The following NDST4 variants were observed in gnomAD, a reference collection of about 807,000 sequenced individuals.
NDST4 encodes N-heparan sulfate sulfotransferase 4.
NDST4 carries 63 observed loss-of-function variants against 100.8 expected under a neutral mutation model. The ratio of observed to expected loss-of-function variants is 0.62; its 90% CI spans 0.51 to 0.77. The LOEUF (loss-of-function observed/expected upper bound fraction) is 0.77. NDST4 is among the 30% of genes least tolerant of loss of function. The pLI is 0.00. For missense variants in NDST4, 943 were observed against 1,018.4 expected (o/e 0.93, Z 1.01); for synonymous variants, 377 against 361.8 (o/e 1.04, Z -0.48).
At chr4:115,012,640 A>C (rs1205305743) in intron 2 of NDST4, among the ~76,000 whole-genome samples, 2 of 152,060 alleles carry the variant, frequency 1.3e-5, no homozygotes, top group Non-Finnish European at 2.9e-5. Context: ...GAGGTTCCCC[A>C]AAAAATGAAA....
chr4:114,870,901 C>T lies in NDST4; in HGVS notation c.1586G>A (p.Gly529Glu). The T allele has an allele frequency of 6.2e-7, 1 of 1,611,248 alleles. No homozygotes were observed. The highest frequency in any genetic ancestry group is 1.1e-5 in the South Asian group (1 of 90,674). Residue 529 changes from glycine to glutamate, a missense_variant, in exon 7 of 14, where the codon GGG becomes GAG. Gly to Glu is a moderately conservative substitution (Grantham distance 98). Transcript: ENST00000264363. ...GACCAAGTTCACAAAGGTATATAAC[C>T]CTAGGCGGTCATTTCCATAGTTTGA... ...HLSNYGNDRLGLYTFVNLVNF... is the reference protein window; with the variant it reads ...HLSNYGNDRLELYTFVNLVNF...
intron 11 of NDST4, among the ~76,000 whole-genome samples, chr4:114,835,124 T>C (rs1287753765): frequency 6.6e-6 from 1 of 152,156 alleles, no homozygotes; most frequent in East Asian, 1.9e-4. Context: ...AGTTCTGCTC[T>C]AATTTTCTAA....
chr4:114,834,094 A>G (rs1723258622), intron 11 of NDST4, among the ~76,000 whole-genome samples: 1 of 152,234 alleles, frequency 6.6e-6, no homozygotes. Flanking sequence ...GCTCAGAAAT[A>G]GTGGTCATCC....
intron 2 of NDST4, among the ~76,000 whole-genome samples, chr4:115,054,921 C>A (rs1728660534): frequency 6.6e-6 from 1 of 152,068 alleles, no homozygotes; most frequent in African/African-American, 2.4e-5. Context: ...GGGCCATGGA[C>A]CAGTACCAGT....
Position 114,941,353 on chromosome 4 carries a change from A to G in NDST4, c.1222-3850T>C, listed in dbSNP as rs545645656. On this transcript the variant is annotated intron_variant, in intron 4 of 13. Transcript: ENST00000264363. The stretch of plus-strand genomic sequence containing the variant: ...TGTGACCCCTCCCCTCCCCTCCCCA[A>G]AGTATGAAGACACTTGACTTACAAA... Among the ~76,000 whole-genome samples the G allele has an allele frequency of 2.0e-5, 3 of 152,066 alleles. No individual in the cohort carries two copies. In the South Asian group the frequency reaches 6.2e-4, roughly 32 times the overall value.
intron 2 of NDST4, among the ~76,000 whole-genome samples, chr4:114,997,440 G>A (rs1271362392): frequency 6.6e-6 from 1 of 151,982 alleles, no homozygotes. Context: ...CATAAACCCA[G>A]CTCTAAGGAG....
At chr4:114,959,009 G>A (rs1324058529) in intron 4 of NDST4, among the ~76,000 whole-genome samples, 1 of 151,964 alleles carries the variant, frequency 6.6e-6, no homozygotes, top group Non-Finnish European at 1.5e-5. Context: ...CAAGTTCAAT[G>A]TTCCACAGAT....
chr4:115,003,760 C>T (rs1211881430), intron 2 of NDST4, among the ~76,000 whole-genome samples: 3 of 151,428 alleles, frequency 2.0e-5, no homozygotes, highest in Non-Finnish European at 4.4e-5. Context: ...CCCAGCTACT[C>T]GGGAGGCTGA....
chr4:114,898,477 C>A (rs75313373), intron 6 of NDST4, among the ~76,000 whole-genome samples: 318 of 152,174 alleles, frequency 2.1e-3, no homozygotes, highest in Middle Eastern at 0.01. Context: ...CCCTTGAAGT[C>A]GGGTAGTGTC....
At chr4:115,088,764 C>T (rs1333940011) in intron 1 of NDST4, among the ~76,000 whole-genome samples, 1 of 151,874 alleles carries the variant, frequency 6.6e-6, no homozygotes, top group African/African-American at 2.4e-5. Context: ...TGTGTTGAAC[C>T]ATTTACAGTT....
At chr4:114,847,495 A>G (rs1578341037) in intron 9 of NDST4, among the ~76,000 whole-genome samples, 1 of 147,646 alleles carries the variant, frequency 6.8e-6, no homozygotes. Context: ...ATTGAGGGGA[A>G]TTTTCCTCAG....
At chr4:114,867,667 A>AAAAAAAAAAAAAAAAAAAAAAAAAAC (rs1560786349) in intron 7 of NDST4, among the ~76,000 whole-genome samples, 1 of 111,240 alleles carries the variant, frequency 9.0e-6, no homozygotes, top group Non-Finnish European at 1.8e-5. Flanking sequence ...AAAAAAAGCA[A>AAAAAAAAAAAAAAAAAAAAAAAAAAC]AAAAAAAAAA....
chr4:115,063,122 T>C (rs559133087), intron 2 of NDST4, among the ~76,000 whole-genome samples: 1 of 151,990 alleles, frequency 6.6e-6, no homozygotes, highest in East Asian at 1.9e-4. Context: ...AACTAAATGG[T>C]TTGTGCCAAA....
In NDST4 at chr4:114,932,673, T is replaced by TC. The variant is rs200180523; in HGVS notation, c.1536+2532_1536+2533insG. ...AGTATATGAAATCAATGTACAAAAATAGTAGTGTTTCTGTACACTGACAAG... is the reference window on the plus strand; with the variant it reads ...AGTATATGAAATCAATGTACAAAAATCAGTAGTGTTTCTGTACACTGACAAG... On this transcript the variant is annotated intron_variant, in intron 6 of 13. Coordinates refer to ENST00000264363, the MANE Select transcript of NDST4 (RefSeq NM_022569.3). Among the ~76,000 whole-genome samples, 1,188 of 152,066 alleles carry TC rather than the reference T, an allele frequency of 7.8e-3. 10 individuals carry two copies. The highest frequency in any genetic ancestry group is 0.034 in the Middle Eastern group (10 of 294).
At chr4:115,083,044 CTATTT>C (rs1273195635) in intron 1 of NDST4, among the ~76,000 whole-genome samples, 3 of 152,076 alleles carry the variant, frequency 2.0e-5, no homozygotes, top group Non-Finnish European at 4.4e-5. Flanking sequence ...TGTGAGAAAA[CTATTT>C]TATTATATAC....
intron 6 of NDST4, among the ~76,000 whole-genome samples, chr4:114,932,368 T>TA (rs1484498480): frequency 6.6e-6 from 1 of 151,948 alleles, no homozygotes; most frequent in Non-Finnish European, 1.5e-5. Flanking sequence ...TGCCATATAT[T>TA]ACAAACTCAC....
intron 11 of NDST4, among the ~76,000 whole-genome samples, chr4:114,835,525 T>C (rs934785225): frequency 6.6e-6 from 1 of 152,172 alleles, no homozygotes; most frequent in Non-Finnish European, 1.5e-5. Context: ...CTGAAGAGTG[T>C]TGTACTTCCC....
rs143497994 is a variant in NDST4, at chr4:114,888,530, C to T, written c.1537-17580G>A. 5.5e-3 allele frequency among the ~76,000 whole-genome samples: 838 copies of T among 152,236 alleles called. 4 individuals carry two copies. Among genetic ancestry groups the T allele is most frequent in the African/African-American group, 0.019 (777 of 41,542 alleles). ...CGACTGCCTTATAATGCTCATTTAA[C>T]GAATGAACTGGTAAAGAAGTTAAAA... On this transcript the variant is annotated intron_variant, in intron 6 of 13. Coordinates refer to ENST00000264363, the MANE Select transcript of NDST4 (RefSeq NM_022569.3).
intron 2 of NDST4, among the ~76,000 whole-genome samples, chr4:115,068,213 T>C (rs188042127): frequency 5.9e-5 from 9 of 152,208 alleles, no homozygotes; most frequent in African/African-American, 2.2e-4. Flanking sequence ...TTTCACTTTA[T>C]AGTTTTGAGC....
Sources: gnomAD v4.1 joint callset for allele counts (sites outside exome capture counted in the v4.1 genomes callset) on GRCh38, gnomAD v4.1.1 for gene constraint, MANE v1.5 for transcripts, NCBI Gene and HGNC (gene_info 2026-07-23, HGNC 2026-07-21) for gene names.